The following RARA variants were observed in gnomAD, a reference collection of about 807,000 sequenced individuals.
RARA encodes PML-DDX5-RARA fusion.
Under a neutral mutation model 42.8 loss-of-function variants are expected in RARA, and 5 were observed. The ratio of observed to expected loss-of-function variants is 0.12; its 90% CI spans 0.06 to 0.25. RARA has a LOEUF of 0.25. RARA is among the 10% of genes least tolerant of loss of function. The pLI is 1.00. For synonymous variants in RARA, 256 were observed against 259.5 expected (o/e 0.99, Z 0.13); for missense variants, 402 against 628.7 (o/e 0.64, Z 3.86).
Position 40,331,309 on chromosome 17 carries a change from A to C in RARA, c.91A>C (p.Met31Leu), listed in dbSNP as rs1313589879. 3 of 1,613,538 alleles carry C rather than the reference A, an allele frequency of 1.9e-6. No individual in the cohort carries two copies. Among genetic ancestry groups the C allele is most frequent in the Non-Finnish European group, 2.5e-6 (3 of 1,179,814 alleles). The change falls in exon 2 of 9, where the codon ATG becomes CTG. Residue 31 changes from methionine (M) to leucine (L), a missense_variant. By Grantham distance (15) the Met-to-Leu change is conservative (BLOSUM62 2). Transcript: ENST00000254066. ...VPPYAFFFPP[M>L]LGGLSPPGAL... ...TCCCTACGCCTTCTTCTTCCCCCCT[A>C]TGCTGGGTGGACTCTCCCCGCCAGG...
intron 2 of RARA, among the ~76,000 whole-genome samples, chr17:40,338,349 G>A (rs1413307345): frequency 1.3e-5 from 2 of 152,176 alleles, no homozygotes; most frequent in African/African-American, 2.4e-5. Flanking sequence ...GCCTCCCAGG[G>A]TTGACTGGAG....
At position 40,351,972 on chromosome 17, in the gene RARA, T is replaced by C. The variant is rs759379591; in HGVS notation, c.532T>C (p.Tyr178His). Residue 178 changes from tyrosine (Y) to histidine (H), a missense_variant, in exon 5 of 9, where the codon TAC becomes CAC. This residue lies in a region of RARA where 130 missense variants were observed against 267.9 expected (regional missense o/e 0.49). Transcript: ENST00000254066. This position sits in a 1 kb window ranked among gnomAD's most constrained non-coding sequence, Gnocchi z 4.1. Reference sequence around the variant, plus strand: ...GCCCAAGCCCGAGTGCTCTGAGAGCTACACGCTGACGCCGGAGGTGGGGGA... The same window carrying C: ...GCCCAAGCCCGAGTGCTCTGAGAGCCACACGCTGACGCCGGAGGTGGGGGA... ...EVPKPECSES[Y>H]TLTPEVGELI... The C allele has an allele frequency of 1.3e-5, 21 of 1,609,168 alleles. No homozygotes were observed. Among genetic ancestry groups the C allele is most frequent in the Non-Finnish European group, 1.7e-5 (20 of 1,178,546 alleles).
intron 2 of RARA, among the ~76,000 whole-genome samples, chr17:40,346,526 C>T (rs943299802): frequency 2.0e-5 from 3 of 151,778 alleles, no homozygotes; most frequent in Non-Finnish European, 4.4e-5. Context: ...CTCCCCCCAC[C>T]AGTCTGGATT....
chr17:40,312,788 C>G (rs1442683591), intron 1 of RARA, among the ~76,000 whole-genome samples: 1 of 152,156 alleles, frequency 6.6e-6, no homozygotes, highest in African/African-American at 2.4e-5. Flanking sequence ...CAATCCCTTC[C>G]CCTTGCAGAG....
At position 40,315,142 on chromosome 17, in the gene RARA, A is replaced by G. The variant is rs867784855; in HGVS notation, c.-363+5856A>G. 4.1e-3 allele frequency among the ~76,000 whole-genome samples: 445 copies of G among 108,518 alleles called. 7 individuals carry two copies. Among genetic ancestry groups the G allele is most frequent in the African/African-American group, 0.017 (359 of 21,126 alleles). 71.2% of individuals were successfully genotyped at this position (108,518 alleles called of 152,430 possible). On this transcript the variant is annotated intron_variant, in intron 1 of 8. Coordinates refer to ENST00000254066, the MANE Select transcript of RARA (RefSeq NM_000964.4). ...TATATGCTTATATGTGTATATATAT[A>G]TATATATATATATATATATATATAT... is the stretch of plus-strand genomic sequence containing the variant.
chr17:40,329,622 C>T (rs575193784), intron 1 of RARA, among the ~76,000 whole-genome samples: 1 of 151,758 alleles, frequency 6.6e-6, no homozygotes, highest in South Asian at 2.1e-4. Context: ...ACCCAACTGA[C>T]TTTCGTATTT....
In RARA at chr17:40,355,183, G is replaced by A; in HGVS notation, c.1013-80G>A. The stretch of plus-strand genomic sequence containing the variant: ...GCGAGCTGCCCTCCTCCATGGCCTG[G>A]GCAGGCACGCCCCCCGGTGGCCGAG... On this transcript the variant is annotated intron_variant, in intron 7 of 8. Transcript: ENST00000254066. The surrounding 1 kb of genome is among the most constrained non-coding windows in gnomAD (Gnocchi z 4.1). 1 of 1,482,752 alleles carries A rather than the reference G, an allele frequency of 6.7e-7. No homozygotes were observed. The highest frequency in any genetic ancestry group is 1.3e-5 in the South Asian group (1 of 75,854). The allele number at this position is 1,482,752 out of a possible 1,614,324, so 91.8% of individuals were successfully genotyped here.
At chr17:40,344,966 C>T (rs1259257925) in intron 2 of RARA, among the ~76,000 whole-genome samples, 1 of 152,214 alleles carries the variant, frequency 6.6e-6, no homozygotes, top group Non-Finnish European at 1.5e-5. Flanking sequence ...GGGGAATTCT[C>T]CACTCTCCCC....
rs1029000054 is a variant in RARA at position 40,348,665 on chromosome 17, C to G, written c.327+201C>G. 9.2e-6 allele frequency: 5 copies of G among 541,510 alleles called. No homozygotes were observed. In the South Asian group the frequency reaches 9.6e-5, roughly 10 times the overall value. The allele number at this position is 541,510 out of a possible 1,614,324, so 33.5% of individuals were successfully genotyped here. A position where few individuals can be genotyped will look rare whatever the true frequency, so the allele number is the denominator to read the frequency against. ...CATAAATGTGCAGGGCTCCCTCAAA[C>G]CAGAGGTCCCCTCCTGCCTCAGCTC... On this transcript the variant is annotated intron_variant, in intron 3 of 8. Transcript: ENST00000254066.
chr17:40,331,411 G>C lies in RARA; in HGVS notation c.178+15G>C, dbSNP rs369947810. The C allele has an allele frequency of 2.5e-6, 4 of 1,609,378 alleles. No individual in the cohort carries two copies. Among genetic ancestry groups the C allele is most frequent in the South Asian group, 1.1e-5 (1 of 90,444 alleles). ...ATCCCCAGCCAGTAAGTCTGGGTGT[G>C]GGGGCTGGGGTGGGAAGGGACTGTG... On this transcript the variant is annotated intron_variant, in intron 2 of 8. Transcript: ENST00000254066.
intron 1 of RARA, chr17:40,318,578 T>C (rs2033270659): frequency 6.6e-6 from 1 of 152,238 alleles, no homozygotes; most frequent in African/African-American, 2.4e-5. Flanking sequence ...ACCCGGGGTT[T>C]CCTGGGCTTC....
chr17:40,335,650 AC>A (rs759755737), intron 2 of RARA, among the ~76,000 whole-genome samples: 13 of 152,064 alleles, frequency 8.5e-5, no homozygotes, highest in Admixed American at 3.3e-4. Context: ...AGATCATGCC[AC>A]TGCACTCCAG....
rs928228594 is a variant in RARA at position 40,352,728 on chromosome 17, A to T, written c.807+221A>T. 6.6e-6 allele frequency among the ~76,000 whole-genome samples: 1 copy of T among 151,922 alleles called. No individual in the cohort carries two copies. The highest frequency in any genetic ancestry group is 1.5e-5 in the Non-Finnish European group (1 of 67,972). On this transcript the variant is annotated intron_variant, in intron 6 of 8. Transcript: ENST00000254066. The surrounding 1 kb of genome is among the most constrained non-coding windows in gnomAD (Gnocchi z 4.9). Reference sequence around the variant, plus strand: ...CAGATGTGCAGGAGCTCACCTGTTCACCCATACACATATCCAGCCACCCAG... The same window carrying T: ...CAGATGTGCAGGAGCTCACCTGTTCTCCCATACACATATCCAGCCACCCAG...
chr17:40,310,535 C>T (rs1028671932), intron 1 of RARA, among the ~76,000 whole-genome samples: 3 of 152,020 alleles, frequency 2.0e-5, no homozygotes, highest in Admixed American at 6.5e-5. Flanking sequence ...CATGGCTCCC[C>T]GGGTCCCCTA....
chr17:40,356,582 C>G lies in RARA; in HGVS notation c.*356C>G. On this transcript the variant is annotated 3_prime_UTR_variant, in exon 9 of 9. Transcript: ENST00000254066. ...CCAGCAAACGCCAGGACTTGGCTCC[C>G]CCATCCTCAGAACTCACAAGCCATT... is the stretch of plus-strand genomic sequence containing the variant. The G allele has an allele frequency of 1.7e-6, 1 of 571,904 alleles. No homozygotes were observed. Among genetic ancestry groups the G allele is most frequent in the Non-Finnish European group, 3.3e-6 (1 of 300,748 alleles). 35.4% of individuals were successfully genotyped at this position (571,904 alleles called of 1,614,324 possible). A position where few individuals can be genotyped will look rare whatever the true frequency, so the allele number is the denominator to read the frequency against.
intron 2 of RARA, chr17:40,341,351 C>A: frequency 1.4e-6 from 2 of 1,434,794 alleles, no homozygotes; most frequent in Non-Finnish European, 9.2e-7. Context: ...CCAACAGCAC[C>A]CGCGCTGCCG....
At chr17:40,347,550 C>T (rs1219608433) in intron 2 of RARA, among the ~76,000 whole-genome samples, 2 of 152,142 alleles carry the variant, frequency 1.3e-5, no homozygotes, top group Non-Finnish European at 2.9e-5. Context: ...GTTAGTAACC[C>T]GGACATAGTA....
intron 1 of RARA, among the ~76,000 whole-genome samples, chr17:40,324,671 C>T (rs948237879): frequency 1.3e-5 from 2 of 152,134 alleles, no homozygotes; most frequent in Non-Finnish European, 2.9e-5. Flanking sequence ...GAGTGGAGTA[C>T]AAGCTGTGGA....
chr17:40,336,832 A>C (rs1219567110), intron 2 of RARA, among the ~76,000 whole-genome samples: 1 of 152,146 alleles, frequency 6.6e-6, no homozygotes, highest in Non-Finnish European at 1.5e-5. Flanking sequence ...AGTAGCTGGG[A>C]CTACAGGCGT....
Sources: gnomAD v4.1 joint callset for allele counts (sites outside exome capture counted in the v4.1 genomes callset) on GRCh38, gnomAD v4.1.1 for gene constraint, gnomAD v4.1.1 regional missense constraint, Gnocchi (gnomAD v3.1) non-coding constraint, MANE v1.5 for transcripts, NCBI Gene and HGNC (gene_info 2026-07-23, HGNC 2026-07-21) for gene names.